GRHL3: variants seen among roughly 807,000 people sequenced by gnomAD.
GRHL3 encodes grainyhead-like protein 3 homolog.
Under a neutral mutation model 70.3 loss-of-function variants are expected in GRHL3, and 20 were observed. That is an observed-to-expected ratio of 0.28 (90% confidence interval 0.20 to 0.41). The LOEUF (loss-of-function observed/expected upper bound fraction) is 0.41, where lower values mean the gene tolerates loss of function less well. Among genes scored for constraint, GRHL3 ranks in the 10% least tolerant of loss-of-function variants. GRHL3 has a pLI of 1.00. For missense variants in GRHL3, 637 were observed against 762.3 expected (o/e 0.84, Z 1.94); for synonymous variants, 299 against 299.9 (o/e 1.00, Z 0.03).
Position 24,342,341 on chromosome 1 carries a change from G to A in GRHL3, c.1206+68G>A, listed in dbSNP as rs572814330. The A allele has an allele frequency of 1.6e-5, 22 of 1,354,802 alleles. No individual in the cohort carries two copies. The highest frequency in any genetic ancestry group is 5.5e-5 in the South Asian group (4 of 72,100). 83.9% of individuals were successfully genotyped at this position (1,354,802 alleles called of 1,614,324 possible). ...AGAAGGGCCAAACCCTGACCCGTGC[G>A]TCCTCCTAGCTTCTCTGGGTTGTCT... On this transcript the variant is annotated intron_variant, in intron 9 of 15. Coordinates refer to ENST00000361548, the MANE Select transcript of GRHL3 (RefSeq NM_198173.3). The surrounding 1 kb of genome is among the most constrained non-coding windows in gnomAD (Gnocchi z 4.8).
exon 16 of GRHL3, chr1:24,364,334 C>T (rs1264431029): frequency 1.9e-6 from 3 of 1,548,846 alleles, no homozygotes; most frequent in Non-Finnish European, 2.6e-6. Context: ...AGCCCCACCA[C>T]CGTCAACAGC....
intron 1 of GRHL3, among the ~76,000 whole-genome samples, chr1:24,326,380 CCCCTCTTCTCCTCCA>C (rs1639390337): frequency 2.0e-5 from 3 of 149,928 alleles, no homozygotes; most frequent in South Asian, 4.3e-4. Context: ...TTCTCCTCCA[CCCCTCTTCTCCTCCA>C]CCCCTATTCC....
chr1:24,335,606 G>A (rs889215284), intron 3 of GRHL3, among the ~76,000 whole-genome samples: 6 of 144,642 alleles, frequency 4.1e-5, no homozygotes, highest in Non-Finnish European at 7.5e-5. Flanking sequence ...TTTTTGAGAC[G>A]GAGTCTCGCT....
At chr1:24,325,737 C>T (rs538097139) in intron 1 of GRHL3, among the ~76,000 whole-genome samples, 7 of 152,334 alleles carry the variant, frequency 4.6e-5, no homozygotes, top group Non-Finnish European at 5.9e-5. Context: ...GTCCCATCCC[C>T]TCCTCCCAGA....
At chr1:24,323,337 G>C (rs1413728574) in intron 1 of GRHL3, among the ~76,000 whole-genome samples, 4 of 152,116 alleles carry the variant, frequency 2.6e-5, no homozygotes, top group Non-Finnish European at 5.9e-5. Context: ...CAGAAACTGG[G>C]GGTATGGCTC....
intron 8 of GRHL3, among the ~76,000 whole-genome samples, 178 bp downstream of exon 8, chr1:24,339,940 G>C (rs950325815): frequency 6.6e-6 from 1 of 152,196 alleles, no homozygotes; most frequent in Non-Finnish European, 1.5e-5. Flanking sequence ...GGCTGGGTCC[G>C]CATCCCACCC....
chr1:24,320,450 G>C (rs931798198), intron 1 of GRHL3, among the ~76,000 whole-genome samples: 1 of 152,220 alleles, frequency 6.6e-6, no homozygotes, highest in Admixed American at 6.5e-5. Flanking sequence ...AGAGAAGGTA[G>C]GGTGAGGCTG....
In GRHL3 at chr1:24,342,741, G is replaced by A. The variant is rs758484617; in HGVS notation, c.1254G>A (p.Arg418=). ...MRDDERKQFR[R]KVKCPDSSNS... The stretch of plus-strand genomic sequence containing the variant: ...ATGACGAGCGGAAGCAGTTCCGGAG[G>A]AAGGTCAAGTGCCCTGACTCCAGCA... Residue 418 remains arginine (R), a synonymous_variant, in exon 10 of 16, where the codon AGG becomes AGA. Coordinates refer to ENST00000361548, the MANE Select transcript of GRHL3 (RefSeq NM_198173.3). This position sits in a 1 kb window ranked among gnomAD's most constrained non-coding sequence, Gnocchi z 4.8. 1 of 1,614,234 alleles carries A rather than the reference G, an allele frequency of 6.2e-7. No homozygotes were observed. Among genetic ancestry groups the A allele is most frequent in the Non-Finnish European group, 8.5e-7 (1 of 1,180,042 alleles).
chr1:24,363,415 T>C (rs1389318406), intron 15 of GRHL3, among the ~76,000 whole-genome samples: 1 of 152,180 alleles, frequency 6.6e-6, no homozygotes, highest in Non-Finnish European at 1.5e-5. Context: ...CCTTAAGGGC[T>C]TGACAATCCG....
At position 24,354,645 on chromosome 1, in the gene GRHL3, C is replaced by T. The variant is rs190524271; in HGVS notation, c.*157C>T. 1.0e-5 allele frequency: 6 copies of T among 584,124 alleles called. No individual in the cohort carries two copies. The Admixed American group carries it at 1.2e-4, about 11-fold the overall frequency. 36.2% of individuals were successfully genotyped at this position (584,124 alleles called of 1,614,324 possible). ...GTCACAGACCCACAGACGTCAGGGC[C>T]AGGGAGAGACCTAGGGGGTCCCCTG... is the stretch of plus-strand genomic sequence containing the variant. On this transcript the variant is annotated 3_prime_UTR_variant, in exon 16 of 16. Transcript: ENST00000361548.
At chr1:24,354,278 CCCACT>C in intron 15 of GRHL3, 91 bp from the exon 16 acceptor site, 1 of 756,904 alleles carries the variant, frequency 1.3e-6, no homozygotes, top group Non-Finnish European at 2.3e-6. Flanking sequence ...GTGGCAGGTA[CCCACT>C]GGGTATGACC....
chr1:24,337,258 A>T (rs1639858004), intron 5 of GRHL3, 107 bp downstream of exon 5: 1 of 751,178 alleles, frequency 1.3e-6, no homozygotes, highest in Admixed American at 2.6e-5. Context: ...AATTAATGAG[A>T]AGTGGGGGAT....
At position 24,336,413 on chromosome 1, in the gene GRHL3, G is replaced by C. The variant is rs12062028; in HGVS notation, c.267-69G>C. ...CAAAGGCCAGTGTGTCAGTTGCCTTGCACTCTAGCCAAAGACCCCCCTTTA... is the reference window on the plus strand; with the variant it reads ...CAAAGGCCAGTGTGTCAGTTGCCTTCCACTCTAGCCAAAGACCCCCCTTTA... On this transcript the variant is annotated intron_variant, in intron 3 of 15. Transcript: ENST00000361548. 104,580 of 1,002,358 alleles carry C rather than the reference G, an allele frequency of 0.1. 6,657 individuals carry two copies. Among genetic ancestry groups the C allele is most frequent in the African/African-American group, 0.24 (14,747 of 61,644 alleles). 62.1% of individuals were successfully genotyped at this position (1,002,358 alleles called of 1,614,324 possible).
intron 11 of GRHL3, chr1:24,343,263 T>A (rs1323013824): frequency 2.0e-6 from 1 of 491,210 alleles, no homozygotes; most frequent in East Asian, 3.3e-5. Flanking sequence ...CGTTCATGCT[T>A]AGGGCACACA....
rs1641067510 is a variant in GRHL3, at chr1:24,360,918, A to T, written c.1695-3267A>T. Reference sequence around the variant, plus strand: ...GGCTGGTATTGGACACGAATGATGCACTAGAGATGAAATGCTTGCGGGGGC... The same window carrying T: ...GGCTGGTATTGGACACGAATGATGCTCTAGAGATGAAATGCTTGCGGGGGC... On this transcript the variant is annotated intron_variant, in intron 15 of 15. Transcript: ENST00000350501. The T allele has an allele frequency of 6.2e-7, 1 of 1,613,866 alleles. No homozygotes were observed. Among genetic ancestry groups the T allele is most frequent in the Non-Finnish European group, 8.5e-7 (1 of 1,179,972 alleles).
chr1:24,358,180 G>A (rs1038495870), downstream of GRHL3: 1 of 512,724 alleles, frequency 2.0e-6, no homozygotes, highest in African/African-American at 1.9e-5. Flanking sequence ...CTTCAGGGTG[G>A]ACTGATCCTC....
chr1:24,342,366 T>C lies in GRHL3; in HGVS notation c.1206+93T>C, dbSNP rs891918624. 17 of 1,079,736 alleles carry C rather than the reference T, an allele frequency of 1.6e-5. No homozygotes were observed. The highest frequency in any genetic ancestry group is 1.9e-5 in the Non-Finnish European group (14 of 742,222). The allele number at this position is 1,079,736 out of a possible 1,614,324, so 66.9% of individuals were successfully genotyped here. ...GTCCTCCTAGCTTCTCTGGGTTGTC[T>C]GTCTCTCTCTGTTTTTCTATCCCTT... On this transcript the variant is annotated intron_variant, in intron 9 of 15. Coordinates refer to ENST00000361548, the MANE Select transcript of GRHL3 (RefSeq NM_198173.3). The surrounding 1 kb of genome is among the most constrained non-coding windows in gnomAD (Gnocchi z 4.8).
chr1:24,333,815 A>G (rs1184599259), intron 2 of GRHL3, among the ~76,000 whole-genome samples: 1 of 152,242 alleles, frequency 6.6e-6, no homozygotes, highest in East Asian at 1.9e-4. Flanking sequence ...TAGACATCTC[A>G]GAGTGACTGT....
At chr1:24,361,359 A>G (rs1641104665) in intron 15 of GRHL3, among the ~76,000 whole-genome samples, 1 of 152,160 alleles carries the variant, frequency 6.6e-6, no homozygotes, top group Non-Finnish European at 1.5e-5. Context: ...GGAGATGTGG[A>G]GCTAACCAGA....
Sources: gnomAD v4.1 joint callset for allele counts (sites outside exome capture counted in the v4.1 genomes callset) on GRCh38, gnomAD v4.1.1 for gene constraint, Gnocchi (gnomAD v3.1) non-coding constraint, MANE v1.5 for transcripts, NCBI Gene and HGNC (gene_info 2026-07-23, HGNC 2026-07-21) for gene names.